The following RBPJ variants were observed in gnomAD, a reference collection of about 807,000 sequenced individuals.
The protein encoded by RBPJ is recombining binding protein suppressor of hairless.
In RBPJ, 9 loss-of-function variants were observed where a neutral mutation model predicts 67.8. The ratio of observed to expected loss-of-function variants is 0.13; its 90% confidence interval spans 0.08 to 0.23. RBPJ has a LOEUF of 0.23. RBPJ is among the 10% of genes least tolerant of loss of function. The pLI is 1.00. For missense variants in RBPJ, 305 were observed against 595.6 expected, an observed-to-expected ratio of 0.51 and a Z score of 5.08; for synonymous variants, 198 against 203.3, an observed-to-expected ratio of 0.97 and a Z score of 0.22.
At chr4:26,418,504 T>A (rs377744435) in intron 4 of RBPJ, among the ~76,000 whole-genome samples, 1 of 152,184 alleles carries the variant, frequency 6.6e-6, no homozygotes, top group Non-Finnish European at 1.5e-5. Context: ...CAAGGAGATA[T>A]ATGTGTGTTT....
chr4:26,181,369 G>A lies in RBPJ; in HGVS notation c.-167+17755G>A, dbSNP rs930834394. Among the ~76,000 whole-genome samples the A allele has an allele frequency of 7.2e-5, 11 of 152,256 alleles. No homozygotes were observed. In the East Asian group the frequency reaches 1.2e-3, roughly 16 times the overall value. ...TTCCAAAACAAAATTAAAGAAGACC[G>A]CATTCAGAACACTCCAGCAACACAT... On this transcript the variant is annotated intron_variant, in intron 1 of 4. Coordinates refer to the RBPJ transcript ENST00000512351.
intron 1 of RBPJ, among the ~76,000 whole-genome samples, chr4:26,290,317 T>TAA (rs35451160): frequency 9.1e-6 from 1 of 109,362 alleles, no homozygotes; most frequent in Admixed American, 9.4e-5. Flanking sequence ...AGACCCTGTC[T>TAA]AAAAAAAAAA....
intron 1 of RBPJ, among the ~76,000 whole-genome samples, chr4:26,371,114 A>G (rs1292189089): frequency 6.6e-6 from 1 of 152,118 alleles, no homozygotes; most frequent in East Asian, 1.9e-4. Context: ...GTTAATGTCA[A>G]CTTACAATTT....
At chr4:26,411,683 A>G (rs1734033774) in intron 3 of RBPJ, among the ~76,000 whole-genome samples, 1 of 152,062 alleles carries the variant, frequency 6.6e-6, no homozygotes. Context: ...AGTGTTTTGA[A>G]TAGAGAATTT....
chr4:26,394,089 C>T (rs997338906), intron 2 of RBPJ, among the ~76,000 whole-genome samples: 37 of 150,168 alleles, frequency 2.5e-4, no homozygotes, highest in African/African-American at 8.8e-4. Context: ...TGCAGTGGCG[C>T]GATCTCTGCT....
At position 26,433,820 on chromosome 4, in the gene RBPJ, G is replaced by T. The variant is rs1241637930; in HGVS notation, c.*2813G>T. The stretch of plus-strand genomic sequence containing the variant: ...ATAGGAACCTTGTCCTCTGGTTATA[G>T]TAGACTGTGTGCCCTCCTCCAGTGA... On this transcript the variant is annotated 3_prime_UTR_variant, in exon 11 of 11. Coordinates refer to ENST00000355476, the MANE Select transcript of RBPJ (RefSeq NM_015874.6). 1 of 152,136 alleles carries T rather than the reference G, an allele frequency of 6.6e-6. No homozygotes were observed. Among genetic ancestry groups the T allele is most frequent in the East Asian group, 1.9e-4 (1 of 5,186 alleles). The allele number at this position is 152,136 out of a possible 1,614,324, so 9.4% of individuals were successfully genotyped here.
chr4:26,151,635 C>G, the RBPJ span, among the ~76,000 whole-genome samples: 2 of 152,210 alleles, frequency 1.3e-5, no homozygotes, highest in Non-Finnish European at 2.9e-5. Context: ...CACAGAGCTG[C>G]AAAGGAGTTT....
chr4:26,127,824 G>T, the RBPJ span, among the ~76,000 whole-genome samples: 1 of 152,144 alleles, frequency 6.6e-6, no homozygotes, highest in African/African-American at 2.4e-5. Flanking sequence ...CCCTAAAGAG[G>T]TTGGCCTCCC....
intron 1 of RBPJ, among the ~76,000 whole-genome samples, chr4:26,361,347 A>T (rs2109497774): frequency 6.6e-6 from 1 of 152,318 alleles, no homozygotes; most frequent in South Asian, 2.1e-4. Flanking sequence ...TCTACAGTAA[A>T]TCTAAATCTT....
chr4:26,163,142 T>G (rs998373949), upstream of RBPJ, among the ~76,000 whole-genome samples: 2 of 151,684 alleles, frequency 1.3e-5, no homozygotes, highest in Non-Finnish European at 2.9e-5. Context: ...AAATAACATC[T>G]GAGGTCAGGA....
chr4:26,237,698 T>C (rs1158089276), intron 1 of RBPJ, among the ~76,000 whole-genome samples: 1 of 152,236 alleles, frequency 6.6e-6, no homozygotes, highest in African/African-American at 2.4e-5. Flanking sequence ...TTCAATTTTT[T>C]GACCCTCGGT....
At chr4:26,136,130 G>A in the RBPJ span, among the ~76,000 whole-genome samples, 1 of 152,150 alleles carries the variant, frequency 6.6e-6, no homozygotes, top group Non-Finnish European at 1.5e-5. Flanking sequence ...AGGACAGTAT[G>A]GGGAAACCAT....
chr4:26,156,331 C>A, the RBPJ span, among the ~76,000 whole-genome samples: 4 of 150,638 alleles, frequency 2.7e-5, no homozygotes, highest in Admixed American at 2.6e-4. Flanking sequence ...TTTATCCAGG[C>A]TTGTTTGTTT....
At chr4:26,305,794 T>TTTTTTTTTTC (rs1722218683) in intron 1 of RBPJ, among the ~76,000 whole-genome samples, 3 of 145,166 alleles carry the variant, frequency 2.1e-5, no homozygotes, top group Non-Finnish European at 3.0e-5. Flanking sequence ...TTTTTTTTTT[T>TTTTTTTTTTC]CTGAGACTGA....
At chr4:26,144,495 C>A in the RBPJ span, among the ~76,000 whole-genome samples, 1 of 151,950 alleles carries the variant, frequency 6.6e-6, no homozygotes, top group Non-Finnish European at 1.5e-5. Context: ...GTCTCAAACC[C>A]CTGACCTCAG....
chr4:26,316,314 TATAC>T (rs1331399438), upstream of RBPJ, among the ~76,000 whole-genome samples: 1 of 147,976 alleles, frequency 6.8e-6, no homozygotes, highest in Non-Finnish European at 1.5e-5. Context: ...TACATTCATA[TATAC>T]ATATTCATAT....
intron 7 of RBPJ, among the ~76,000 whole-genome samples, chr4:26,427,734 G>A (rs1170948678): frequency 2.0e-5 from 3 of 152,274 alleles, no homozygotes; most frequent in Non-Finnish European, 4.4e-5. Context: ...AGGAAGAGGC[G>A]TTTGCAGAAA....
chr4:26,329,966 C>T (rs183546713), intron 1 of RBPJ, among the ~76,000 whole-genome samples: 1 of 152,114 alleles, frequency 6.6e-6, no homozygotes, highest in East Asian at 1.9e-4. Flanking sequence ...TTCTCCTTAC[C>T]CCTTTTCTGA....
chr4:26,255,727 G>A (rs1276440172), intron 1 of RBPJ, among the ~76,000 whole-genome samples: 3 of 150,020 alleles, frequency 2.0e-5, no homozygotes, highest in African/African-American at 4.9e-5. Context: ...GCGTGAACCC[G>A]GGAGGCAGAG....
Sources: allele counts gnomAD v4.1 joint callset (sites outside exome capture counted in the v4.1 genomes callset), GRCh38; gene constraint gnomAD v4.1.1; transcripts MANE v1.5; gene names NCBI Gene and HGNC (gene_info 2026-07-23, HGNC 2026-07-21).